NSG1: variants seen among roughly 807,000 people sequenced by gnomAD.
The protein encoded by NSG1 is neuronal vesicle trafficking associated 1.
A neutral mutation model predicts 19.3 loss-of-function variants in NSG1; 9 were observed. The ratio of observed to expected loss-of-function variants is 0.47; its 90% CI spans 0.28 to 0.81. The LOEUF (loss-of-function observed/expected upper bound fraction) is 0.81. Among genes scored for constraint, NSG1 ranks in the 40% least tolerant of loss-of-function variants. The pLI is 0.11. For synonymous variants in NSG1, 104 were observed against 107.0 expected, an observed-to-expected ratio of 0.97 and a Z score of 0.17; for missense variants, 236 against 242.4, an observed-to-expected ratio of 0.97 and a Z score of 0.18.
At chr4:4,416,298 G>T in intron 4 of NSG1, 1 of 681,936 alleles carries the variant, frequency 1.5e-6, no homozygotes, top group Non-Finnish European at 2.7e-6. Context: ...GGGCAGTGTT[G>T]GTGAGAAGCA....
intron 4 of NSG1, chr4:4,415,876 G>C: frequency 3.7e-6 from 2 of 546,174 alleles, no homozygotes; most frequent in South Asian, 4.2e-5. Context: ...GAGGCTGGAG[G>C]GGAGTTTGTC....
intron 3 of NSG1, among the ~76,000 whole-genome samples, chr4:4,401,499 A>G (rs1723545398): frequency 6.6e-6 from 1 of 151,242 alleles, no homozygotes; most frequent in South Asian, 2.1e-4. Flanking sequence ...TTCCTGCTGG[A>G]CTCCCATTTC....
chr4:4,412,930 T>G (rs986955494), intron 4 of NSG1, among the ~76,000 whole-genome samples: 5 of 152,282 alleles, frequency 3.3e-5, no homozygotes, highest in Admixed American at 2.0e-4. Flanking sequence ...TTTGCTGATA[T>G]GAGGACGCAG....
intron 3 of NSG1, among the ~76,000 whole-genome samples, chr4:4,408,587 G>C (rs567010961): frequency 5.7e-4 from 87 of 152,302 alleles, no homozygotes; most frequent in East Asian, 4.6e-3. Context: ...CAGCTTTCCT[G>C]AGTAGCTGGG....
chr4:4,400,782 A>G (rs1175145818), intron 3 of NSG1, among the ~76,000 whole-genome samples: 1 of 152,228 alleles, frequency 6.6e-6, no homozygotes, highest in African/African-American at 2.4e-5. Flanking sequence ...GTCTTGGGAC[A>G]GTGTTTATTG....
chr4:4,414,283 T>C (rs1486753839), intron 4 of NSG1, among the ~76,000 whole-genome samples: 1 of 151,690 alleles, frequency 6.6e-6, no homozygotes, highest in African/African-American at 2.4e-5. Context: ...GCGGCCACAA[T>C]GGAAGGGGCC....
intron 4 of NSG1, among the ~76,000 whole-genome samples, chr4:4,410,357 G>C (rs1462734131): frequency 1.8e-4 from 28 of 152,224 alleles, no homozygotes; most frequent in Admixed American, 1.8e-3. Context: ...GGAGCCAGGG[G>C]AGGCCTGGCC....
intron 4 of NSG1, among the ~76,000 whole-genome samples, chr4:4,413,164 G>A (rs978327067): frequency 6.6e-6 from 1 of 152,036 alleles, no homozygotes; most frequent in East Asian, 1.9e-4. Flanking sequence ...CTGCCTTCAC[G>A]AGGCTCTTAC....
rs1724064750 is a variant in NSG1 at position 4,409,673 on chromosome 4, T to A, written c.347T>A (p.Phe116Tyr). ...YKYDRACPDG[F>Y]VLKNTQCIPE... ...TATGACCGCGCCTGCCCCGATGGGT[T>A]CGTCCTCAAGGTAAAACTCCGTTTT... The change falls in exon 4 of 5, where the codon TTC becomes TAC. Residue 116 changes from phenylalanine (F) to tyrosine (Y), a missense_variant. Coordinates refer to ENST00000621129, the MANE Select transcript of NSG1 (RefSeq NM_014392.5). 8 of 1,613,924 alleles carry A rather than the reference T, an allele frequency of 5.0e-6. No individual in the cohort carries two copies. The highest frequency in any genetic ancestry group is 6.8e-6 in the Non-Finnish European group (8 of 1,179,776).
At chr4:4,391,446 G>T (rs1233186985) in intron 2 of NSG1, 29 bp from the exon 3 acceptor site, 2 of 1,522,608 alleles carry the variant, frequency 1.3e-6, no homozygotes, top group East Asian at 4.5e-5. Context: ...GAATGCATCT[G>T]ACTTTTGTTT....
intron 3 of NSG1, among the ~76,000 whole-genome samples, chr4:4,395,108 C>T (rs1723185566): frequency 1.3e-5 from 2 of 152,354 alleles, no homozygotes; most frequent in South Asian, 4.1e-4. Flanking sequence ...CATCTCTTCT[C>T]TGTGCCTGCT....
intron 4 of NSG1, among the ~76,000 whole-genome samples, chr4:4,414,354 TGA>T (rs1724398145): frequency 6.6e-6 from 1 of 151,720 alleles, no homozygotes; most frequent in South Asian, 2.1e-4. Context: ...CCTTGGGAAT[TGA>T]GAGTCCCCTG....
At chr4:4,396,762 T>A (rs1723272176) in intron 3 of NSG1, among the ~76,000 whole-genome samples, 2 of 150,710 alleles carry the variant, frequency 1.3e-5, no homozygotes, top group African/African-American at 2.5e-5. Flanking sequence ...CGCATCTGTT[T>A]CCACATTCTC....
Position 4,387,500 on chromosome 4 carries a change from GGAGC to G in NSG1, c.-26-103_-26-100del, listed in dbSNP as rs1722784610. Reference sequence around the variant, plus strand: ...CCTCCCCGAGACGAAGCGGGGCCGGGGAGCTCGCGGACGCCGGGACGCCGGTGGG... The same window carrying G: ...CCTCCCCGAGACGAAGCGGGGCCGGGTCGCGGACGCCGGGACGCCGGTGGG... On this transcript the variant is annotated intron_variant, in intron 1 of 4. Transcript: ENST00000621129. The G allele has an allele frequency of 6.8e-6, 5 of 732,116 alleles. No homozygotes were observed. In the South Asian group the frequency reaches 9.2e-5, roughly 14 times the overall value. The allele number at this position is 732,116 out of a possible 1,614,324, so 45.4% of individuals were successfully genotyped here. A position where few individuals can be genotyped will look rare whatever the true frequency, so the allele number is the denominator to read the frequency against.
intron 3 of NSG1, among the ~76,000 whole-genome samples, chr4:4,394,101 G>C (rs967774291): frequency 8.5e-5 from 13 of 152,180 alleles, no homozygotes; most frequent in Non-Finnish European, 2.9e-5. Context: ...ATTTTACATA[G>C]AGGGGAAACT....
chr4:4,411,620 T>C (rs1300926193), intron 4 of NSG1, among the ~76,000 whole-genome samples: 1 of 152,178 alleles, frequency 6.6e-6, no homozygotes, highest in Admixed American at 6.5e-5. Context: ...GGCGGGTGCC[T>C]GTAATCCCAG....
intron 4 of NSG1, among the ~76,000 whole-genome samples, chr4:4,413,519 G>A (rs907965222): frequency 1.2e-4 from 18 of 151,450 alleles, no homozygotes; most frequent in Admixed American, 1.1e-3. Context: ...TTCAGGGAAC[G>A]AGGGCAGTGC....
intron 4 of NSG1, chr4:4,416,233 C>T: frequency 1.4e-6 from 1 of 701,870 alleles, no homozygotes; most frequent in Non-Finnish European, 2.6e-6. Flanking sequence ...CCAAAGCTTC[C>T]CTTCTCCTGT....
At chr4:4,404,609 G>A (rs1023745586) in intron 3 of NSG1, among the ~76,000 whole-genome samples, 4 of 152,212 alleles carry the variant, frequency 2.6e-5, no homozygotes, top group Non-Finnish European at 4.4e-5. Flanking sequence ...TTCCGATCAT[G>A]GCATGTTGTT....
Sources: gnomAD v4.1 joint callset for allele counts (sites outside exome capture counted in the v4.1 genomes callset) on GRCh38, gnomAD v4.1.1 for gene constraint, MANE v1.5 for transcripts, NCBI Gene and HGNC (gene_info 2026-07-23, HGNC 2026-07-21) for gene names.